Variants in ARPC2 observed in about 807,000 individuals in gnomAD.
The protein encoded by ARPC2 is actin related protein 2/3 complex subunit 2.
In ARPC2, 4 loss-of-function variants were observed where a neutral mutation model predicts 38.6. That is an observed-to-expected ratio of 0.10 (90% CI 0.05 to 0.24). The LOEUF is 0.24. Among genes scored for constraint, ARPC2 ranks in the 10% least tolerant of loss-of-function variants. The pLI is 1.00. For synonymous variants in ARPC2, 125 were observed against 140.8 expected (o/e 0.89, Z 0.79); for missense variants, 229 against 387.3 (o/e 0.59, Z 3.43).
Position 218,228,845 on chromosome 2 carries a change from G to C in ARPC2, c.217G>C (p.Asp73His). The change falls in exon 4 of 11, where the codon GAT becomes CAT. Residue 73 changes from aspartate (D) to histidine (H), a missense_variant. Physicochemically the swap from Asp to His is moderately conservative, Grantham distance 81. Transcript: ENST00000315717. Reference sequence around the variant, plus strand: ...CAAGGAACTTCAGGCACATGGTGCTGATGAGGTAAGATCCACATCATTTTC... The same window carrying C: ...CAAGGAACTTCAGGCACATGGTGCTCATGAGGTAAGATCCACATCATTTTC... ...FYKELQAHGADELLKRVYGSF... is the reference protein window; with the variant it reads ...FYKELQAHGAHELLKRVYGSF... 1.3e-6 allele frequency: 2 copies of C among 1,559,832 alleles called. No individual in the cohort carries two copies. Among genetic ancestry groups the C allele is most frequent in the Non-Finnish European group, 1.8e-6 (2 of 1,131,148 alleles).
rs1690143352 is a variant in ARPC2 at position 218,249,937 on chromosome 2, C to T, written c.878+16C>T. The T allele has an allele frequency of 1.9e-6, 3 of 1,580,720 alleles. No homozygotes were observed. The African/African-American group carries it at 4.0e-5, about 21-fold the overall frequency. ...AAACAATCACGTAAGTTAGGCAGCA[C>T]CCCAGCGACCACCTTCCTCTCCTGA... On this transcript the variant is annotated intron_variant, in intron 10 of 10. Coordinates refer to ENST00000315717, the MANE Select transcript of ARPC2 (RefSeq NM_152862.3).
intron 2 of ARPC2, among the ~76,000 whole-genome samples, chr2:218,217,841 G>A (rs1464152500): frequency 6.6e-6 from 1 of 152,218 alleles, no homozygotes; most frequent in Non-Finnish European, 1.5e-5. Context: ...ACTCGCTCCG[G>A]AGTAGCCCCC....
At chr2:218,217,793 C>T (rs1369236890) in intron 2 of ARPC2, among the ~76,000 whole-genome samples, 1 of 152,194 alleles carries the variant, frequency 6.6e-6, no homozygotes, top group Non-Finnish European at 1.5e-5. Flanking sequence ...TGCCAAAGGG[C>T]AGGAGACCTG....
intron 4 of ARPC2, among the ~76,000 whole-genome samples, chr2:218,229,748 C>T (rs1329292992): frequency 6.6e-6 from 1 of 152,022 alleles, no homozygotes; most frequent in Non-Finnish European, 1.5e-5. Flanking sequence ...TGGTTGCTTC[C>T]CTTAGTTATT....
Position 218,238,778 on chromosome 2 carries a change from A to G in ARPC2, c.383A>G (p.Tyr128Cys), listed in dbSNP as rs201701777. Residue 128 changes from tyrosine (Y) to cysteine (C), a missense_variant, in exon 6 of 11, where the codon TAC becomes TGC. By Grantham distance (194) the Tyr-to-Cys change is radical (BLOSUM62 -2). Coordinates refer to ENST00000315717, the MANE Select transcript of ARPC2 (RefSeq NM_152862.3). ...TGTTTTGCCTCTGTCTTTGAAAAAT[A>G]CTTCCAATTCCAAGAAGAGGGCAAG... ...RNCFASVFEK[Y>C]FQFQEEGKEG... is the part of the protein sequence containing the mutation. 1.2e-6 allele frequency: 2 copies of G among 1,613,972 alleles called. No homozygotes were observed. The highest frequency in any genetic ancestry group is 8.5e-7 in the Non-Finnish European group (1 of 1,179,970).
rs372107656 is a variant in ARPC2 at position 218,251,051 on chromosome 2, G to A, written c.878+1130G>A. 4.1e-3 allele frequency among the ~76,000 whole-genome samples: 622 copies of A among 152,080 alleles called. 7 individuals are homozygous for A. In the South Asian group the frequency reaches 0.048, roughly 12 times the overall value. On this transcript the variant is annotated intron_variant, in intron 10 of 10. Transcript: ENST00000315717. The stretch of plus-strand genomic sequence containing the variant: ...GGGTTTCACCATGTTGCCCAGGCTG[G>A]TCTAGAACTCGTGAGCTCAGGCAGT...
chr2:218,245,558 G>T lies in ARPC2; in HGVS notation c.676+12G>T. Reference sequence around the variant, plus strand: ...CTACATTACCTTTGGTGAGCAGGGTGCACTTGCTGCTTTTGTGCCGCTTTA... The same window carrying T: ...CTACATTACCTTTGGTGAGCAGGGTTCACTTGCTGCTTTTGTGCCGCTTTA... On this transcript the variant is annotated intron_variant, in intron 8 of 10. Coordinates refer to ENST00000315717, the MANE Select transcript of ARPC2 (RefSeq NM_152862.3). The T allele has an allele frequency of 6.2e-7, 1 of 1,613,906 alleles. No individual in the cohort carries two copies. The highest frequency in any genetic ancestry group is 8.5e-7 in the Non-Finnish European group (1 of 1,179,862).
At chr2:218,238,021 T>C (rs1314603050) in intron 5 of ARPC2, among the ~76,000 whole-genome samples, 2 of 152,210 alleles carry the variant, frequency 1.3e-5, no homozygotes, top group Non-Finnish European at 2.9e-5. Flanking sequence ...AGTAACCTTA[T>C]CTAGCCTGCA....
intron 1 of ARPC2, 49 bp from the exon 2 acceptor site, chr2:218,217,414 T>G (rs1689276397): frequency 1.3e-6 from 2 of 1,580,376 alleles, no homozygotes; most frequent in Non-Finnish European, 1.7e-6. Flanking sequence ...CGTCCTTGCC[T>G]CCCTTACCCA....
chr2:218,219,831 G>GA (rs980708204), intron 2 of ARPC2, among the ~76,000 whole-genome samples: 2 of 125,328 alleles, frequency 1.6e-5, no homozygotes, highest in African/African-American at 4.9e-5. Context: ...TTGAAACTTT[G>GA]AAAATCTTTA....
chr2:218,252,879 C>G, intron 10 of ARPC2: 1 of 456,350 alleles, frequency 2.2e-6, no homozygotes, highest in South Asian at 1.5e-5. Context: ...TTAAAATGAA[C>G]AGACTGTTCA....
chr2:218,250,557 C>T lies in ARPC2; in HGVS notation c.878+636C>T, dbSNP rs372588809. Among the ~76,000 whole-genome samples, 56 of 151,300 alleles carry T rather than the reference C, an allele frequency of 3.7e-4. No homozygotes were observed. The South Asian group carries it at 0.011, about 29-fold the overall frequency. On this transcript the variant is annotated intron_variant, in intron 10 of 10. Transcript: ENST00000315717. ...GCAGGTGCCTGTAGTCCCGGCTACT[C>T]GGGAGGCTGAGGCAGAGAATTGCTT... is the stretch of plus-strand genomic sequence containing the variant.
At chr2:218,222,112 C>G (rs1689395788) in intron 2 of ARPC2, among the ~76,000 whole-genome samples, 1 of 152,028 alleles carries the variant, frequency 6.6e-6, no homozygotes, top group African/African-American at 2.4e-5. Flanking sequence ...ACTAAAAATA[C>G]AAAAATTAGC....
intron 7 of ARPC2, among the ~76,000 whole-genome samples, chr2:218,243,753 G>C (rs1015805765): frequency 1.3e-5 from 2 of 152,208 alleles, no homozygotes; most frequent in African/African-American, 4.8e-5. Context: ...TCCAGCCTGG[G>C]TGACAGAGTG....
chr2:218,245,296 T>G, intron 7 of ARPC2, 124 bp from the exon 8 acceptor site: 1 of 1,267,282 alleles, frequency 7.9e-7, no homozygotes, highest in Non-Finnish European at 1.1e-6. Context: ...TGTAGTTTAT[T>G]TTTAACCTCC....
chr2:218,245,369 A>T, intron 7 of ARPC2, 51 bp from the exon 8 acceptor site: 1 of 1,611,682 alleles, frequency 6.2e-7, no homozygotes, highest in Non-Finnish European at 8.5e-7. Flanking sequence ...TTGAGTTGCC[A>T]CTCATCTTAC....
chr2:218,223,035 C>T (rs1689419446), intron 2 of ARPC2, among the ~76,000 whole-genome samples: 1 of 152,182 alleles, frequency 6.6e-6, no homozygotes, highest in Admixed American at 6.5e-5. Flanking sequence ...ATCATTACCT[C>T]AGCATATCTA....
Position 218,228,936 on chromosome 2 carries a change from A to C in ARPC2, c.222+86A>C, listed in dbSNP as rs1341941137. 4.8e-6 allele frequency: 4 copies of C among 836,116 alleles called. No homozygotes were observed. The East Asian group carries it at 1.0e-4, about 22-fold the overall frequency. 51.8% of individuals were successfully genotyped at this position (836,116 alleles called of 1,614,324 possible). On this transcript the variant is annotated intron_variant, in intron 4 of 10. Transcript: ENST00000315717. ...CATTCATGGAAGATCCATGGCACTAAATCACCCCCACATGACTACTTGCTC... is the reference window on the plus strand; with the variant it reads ...CATTCATGGAAGATCCATGGCACTACATCACCCCCACATGACTACTTGCTC...
Position 218,254,166 on chromosome 2 carries a change from C to G in ARPC2, c.*251C>G. 2.1e-6 allele frequency: 1 copy of G among 471,152 alleles called. No individual in the cohort carries two copies. The highest frequency in any genetic ancestry group is 3.7e-6 in the Non-Finnish European group (1 of 267,728). The allele number at this position is 471,152 out of a possible 1,614,324, so 29.2% of individuals were successfully genotyped here. ...ACTTAATTCCTTTTCTTTATCTTCC[C>G]TCCCTCACTTCCCTTTTCTCCCACC... is the stretch of plus-strand genomic sequence containing the variant. On this transcript the variant is annotated 3_prime_UTR_variant, in exon 11 of 11. Transcript: ENST00000315717.
Sources: allele counts gnomAD v4.1 joint callset (sites outside exome capture counted in the v4.1 genomes callset), GRCh38; gene constraint gnomAD v4.1.1; transcripts MANE v1.5; gene names NCBI Gene and HGNC (gene_info 2026-07-23, HGNC 2026-07-21).